CBFA2T3: variants seen among roughly 807,000 people sequenced by gnomAD.
The protein encoded by CBFA2T3 is CBFA2/RUNX1 partner transcriptional co-repressor 3.
A neutral mutation model predicts 58.6 loss-of-function variants in CBFA2T3; 31 were observed. The ratio of observed to expected loss-of-function variants is 0.53; its 90% CI spans 0.40 to 0.71. The LOEUF (loss-of-function observed/expected upper bound fraction) is 0.71. Ranked by LOEUF, CBFA2T3 falls within the 30% of genes least tolerant of loss-of-function variation. CBFA2T3 has a pLI of 0.00. For synonymous variants in CBFA2T3, 531 were observed against 421.9 expected (o/e 1.26, Z -3.17); for missense variants, 1,076 against 963.1 (o/e 1.12, Z -1.55).
Position 88,876,939 on chromosome 16 carries a change from C to T in CBFA2T3, c.*37G>A, listed in dbSNP as rs1968853846. ...TGGGCCTGGAGCTGGGTGGGGTTGGCACGGTGCTGTGTCCGGCAGGCCAGG... is the reference window on the plus strand; with the variant it reads ...TGGGCCTGGAGCTGGGTGGGGTTGGTACGGTGCTGTGTCCGGCAGGCCAGG... On this transcript the variant is annotated 3_prime_UTR_variant, in exon 12 of 12. Coordinates refer to ENST00000268679, the MANE Select transcript of CBFA2T3 (RefSeq NM_005187.6). 1 of 1,380,814 alleles carries T rather than the reference C, an allele frequency of 7.2e-7. No homozygotes were observed. The highest frequency in any genetic ancestry group is 9.4e-7 in the Non-Finnish European group (1 of 1,065,566). The allele number at this position is 1,380,814 out of a possible 1,614,324, so 85.5% of individuals were successfully genotyped here. A position where few individuals can be genotyped will look rare whatever the true frequency, so the allele number is the denominator to read the frequency against.
Position 88,901,536 on chromosome 16 carries a change from GC to G in CBFA2T3, c.271del (p.Ala91ProfsTer29). 2.7e-6 allele frequency: 4 copies of G among 1,477,292 alleles called. No homozygotes were observed. The highest frequency in any genetic ancestry group is 2.7e-5 in the East Asian group (1 of 36,750). The allele number at this position is 1,477,292 out of a possible 1,614,324, so 91.5% of individuals were successfully genotyped here. ...TGGCGTGAAGGAGGGGGGGCGTGTG[GC>G]CCCCTGGGATGCGGCAGGCGGTGGG... Reference protein sequence around the residue: ...PPPPPAASQGATRPPSFTPHT... With the variant: ...PPPPPAASQGXTRPPSFTPHT... On this transcript the variant is annotated frameshift_variant, in exon 2 of 12. Coordinates refer to ENST00000268679, the MANE Select transcript of CBFA2T3 (RefSeq NM_005187.6). LOFTEE classifies it high-confidence loss of function.
chr16:88,914,728 C>T (rs1970636292), intron 1 of CBFA2T3, among the ~76,000 whole-genome samples: 1 of 152,210 alleles, frequency 6.6e-6, no homozygotes, highest in African/African-American at 2.4e-5. Context: ...TCTACAGCAC[C>T]CTGCCGGTTG....
intron 1 of CBFA2T3, among the ~76,000 whole-genome samples, chr16:88,952,588 G>T (rs113949246): frequency 6.6e-6 from 1 of 151,890 alleles, no homozygotes; most frequent in Non-Finnish European, 1.5e-5. Flanking sequence ...CCTGCTGCTC[G>T]CCCCCATCGC....
intron 1 of CBFA2T3, among the ~76,000 whole-genome samples, chr16:88,970,980 C>T (rs932438683): frequency 2.6e-5 from 4 of 151,304 alleles, no homozygotes; most frequent in South Asian, 2.1e-4. Flanking sequence ...GGCACGGGCT[C>T]GGGAGGCTTG....
chr16:88,950,096 TCTC>T (rs1182641494), intron 1 of CBFA2T3, among the ~76,000 whole-genome samples: 1 of 151,926 alleles, frequency 6.6e-6, no homozygotes, highest in Non-Finnish European at 1.5e-5. Context: ...ACTGGCCCCC[TCTC>T]CTCCTCTCCC....
intron 1 of CBFA2T3, among the ~76,000 whole-genome samples, chr16:88,915,394 AG>A (rs1255906722): frequency 2.1e-3 from 34 of 16,582 alleles, no homozygotes; most frequent in South Asian, 8.1e-3. Context: ...AGCAGCATGG[AG>A]GGGGGAGCGT....
chr16:88,914,088 A>G (rs537959752), intron 1 of CBFA2T3, among the ~76,000 whole-genome samples: 2 of 152,374 alleles, frequency 1.3e-5, no homozygotes, highest in Non-Finnish European at 2.9e-5. Context: ...GCAAGGAAAA[A>G]GGACAGGCCC....
At chr16:88,891,291 C>T (rs930518747) in intron 5 of CBFA2T3, among the ~76,000 whole-genome samples, 6 of 152,200 alleles carry the variant, frequency 3.9e-5, no homozygotes, top group African/African-American at 9.7e-5. Context: ...CGTGCAGTTA[C>T]TGCTGTCTGG....
At chr16:88,967,241 C>T (rs1422911589) in intron 1 of CBFA2T3, among the ~76,000 whole-genome samples, 4 of 147,226 alleles carry the variant, frequency 2.7e-5, no homozygotes, top group African/African-American at 7.9e-5. Flanking sequence ...AGGTGCCACT[C>T]GGCCCCGACA....
intron 1 of CBFA2T3, chr16:88,941,297 G>T: frequency 4.6e-6 from 2 of 435,354 alleles, no homozygotes; most frequent in Non-Finnish European, 6.1e-6. Flanking sequence ...CCCGCGCCGG[G>T]TCCAGCCGCC....
Position 88,880,735 on chromosome 16 carries a change from T to C in CBFA2T3, c.1456A>G (p.Ile486Val). 1.3e-6 allele frequency: 2 copies of C among 1,572,524 alleles called. No individual in the cohort carries two copies. The highest frequency in any genetic ancestry group is 1.7e-6 in the Non-Finnish European group (2 of 1,158,680). The part of the protein sequence containing the change: ...RTLTGYVPED[I>V]WRKAEEAVNE... ...CCCCACTCACCAGCCTTCCTCCAGA[T>C]GTCCTCAGGCACGTAGCCGGTGAGG... The change falls in exon 10 of 12, where the codon ATC (isoleucine) becomes GTC (valine). Residue 486 changes from isoleucine (I) to valine (V), a missense_variant. Coordinates refer to ENST00000268679, the MANE Select transcript of CBFA2T3 (RefSeq NM_005187.6).
intron 1 of CBFA2T3, among the ~76,000 whole-genome samples, chr16:88,909,206 C>T (rs887930646): frequency 3.3e-5 from 5 of 152,244 alleles, no homozygotes; most frequent in African/African-American, 1.2e-4. Flanking sequence ...TTTTCTGGGG[C>T]TGTGGTGCAG....
intron 1 of CBFA2T3, among the ~76,000 whole-genome samples, chr16:88,974,776 T>C (rs540294189): frequency 6.6e-6 from 1 of 151,874 alleles, no homozygotes; most frequent in African/African-American, 2.4e-5. Context: ...ATGCCCCCCA[T>C]GGCCCCCGCT....
intron 5 of CBFA2T3, among the ~76,000 whole-genome samples, chr16:88,888,273 C>T (rs79778400): frequency 0.014 from 2,147 of 150,282 alleles, 24 homozygotes; most frequent in East Asian, 0.034. Flanking sequence ...GAGAGTACCC[C>T]AGACTGGGCC....
intron 5 of CBFA2T3, 116 bp downstream of exon 5, chr16:88,891,766 T>C: frequency 1.4e-6 from 1 of 705,096 alleles, no homozygotes; most frequent in Non-Finnish European, 2.5e-6. Flanking sequence ...TCCACCTGCC[T>C]ATCTGGCCAC....
At chr16:88,937,008 C>T (rs895668343) in intron 1 of CBFA2T3, 5 of 152,232 alleles carry the variant, frequency 3.3e-5, no homozygotes, top group Admixed American at 1.3e-4. Context: ...GTTTCCACTC[C>T]AGGAATTTTT....
In CBFA2T3 at chr16:88,977,093, C is replaced by T. The variant is rs1284660197; in HGVS notation, c.-286G>A. ...TGCAGCCTGCGGGTGAGGCAGCCAG[C>T]TGTGTCCCCGTGATAATGCCGGGGC... On this transcript the variant is annotated 5_prime_UTR_variant, in exon 1 of 12. Coordinates refer to ENST00000268679, the MANE Select transcript of CBFA2T3 (RefSeq NM_005187.6). The T allele has an allele frequency of 1.1e-5, 4 of 375,336 alleles. No homozygotes were observed. Among genetic ancestry groups the T allele is most frequent in the Admixed American group, 4.0e-5 (1 of 25,312 alleles). 23.3% of individuals were successfully genotyped at this position (375,336 alleles called of 1,614,324 possible).
In CBFA2T3 at chr16:88,885,027, G is replaced by A. The variant is rs763161275; in HGVS notation, c.1117+19C>T. On this transcript the variant is annotated intron_variant, in intron 7 of 11. Transcript: ENST00000268679. The surrounding 1 kb of genome is among the most constrained non-coding windows in gnomAD (Gnocchi z 5.3). ...TCCTGTAACACGCGTCCACGCTCCC[G>A]CCCCACCGGGCTGCTCACCAAGCGG... 1.5e-5 allele frequency: 23 copies of A among 1,566,226 alleles called. No homozygotes were observed. Among genetic ancestry groups the A allele is most frequent in the Non-Finnish European group, 1.8e-5 (21 of 1,156,080 alleles).
At chr16:88,914,970 G>A (rs1313750288) in intron 1 of CBFA2T3, among the ~76,000 whole-genome samples, 4 of 151,828 alleles carry the variant, frequency 2.6e-5, no homozygotes, top group Admixed American at 6.5e-5. Flanking sequence ...GCCCGCTGCC[G>A]GGGCGGGGTG....
Sources: allele counts gnomAD v4.1 joint callset (sites outside exome capture counted in the v4.1 genomes callset), GRCh38; gene constraint gnomAD v4.1.1; non-coding constraint Gnocchi (gnomAD v3.1); transcripts MANE v1.5; gene names NCBI Gene and HGNC (gene_info 2026-07-23, HGNC 2026-07-21).